VPS50: variants seen among roughly 807,000 people sequenced by gnomAD.
The protein encoded by VPS50 is syndetin.
In VPS50, 70 loss-of-function variants were observed where a neutral mutation model predicts 139.7. That is an observed-to-expected ratio of 0.50 (90% CI 0.41 to 0.61). The LOEUF is 0.61. VPS50 is among the 20% of genes least tolerant of loss of function. The pLI is 0.00. For missense variants in VPS50, 921 were observed against 1,133.7 expected, an observed-to-expected ratio of 0.81 and a Z score of 2.69; for synonymous variants, 365 against 376.7, an observed-to-expected ratio of 0.97 and a Z score of 0.36.
intron 2 of VPS50, among the ~76,000 whole-genome samples, chr7:93,244,154 T>C (rs1435482833): frequency 6.6e-6 from 1 of 151,888 alleles, no homozygotes; most frequent in Non-Finnish European, 1.5e-5. Context: ...TATAATTGTT[T>C]AAGGATAAGA....
At chr7:93,347,833 G>T (rs1237741181) in intron 23 of VPS50, among the ~76,000 whole-genome samples, 4 of 114,714 alleles carry the variant, frequency 3.5e-5, no homozygotes, top group African/African-American at 1.3e-4. Flanking sequence ...TTGTGGGGTG[G>T]GGGGAGGGGG....
Position 93,358,361 on chromosome 7 carries a change from G to A in VPS50, c.2820G>A (p.Leu940=), listed in dbSNP as rs370500282. The change falls in exon 28 of 28, where the codon CTG becomes CTA. Residue 940 remains leucine, a synonymous_variant. Coordinates refer to ENST00000305866, the MANE Select transcript of VPS50 (RefSeq NM_017667.4). ...TGACCAATCTGGTGAATGTTTGCCTGGGATCCCATATCAATAAGAAAGCAA... is the reference window on the plus strand; with the variant it reads ...TGACCAATCTGGTGAATGTTTGCCTAGGATCCCATATCAATAAGAAAGCAA... The part of the protein sequence containing the change: ...KQLTNLVNVC[L]GSHINKKARQ... 1.3e-4 allele frequency: 205 copies of A among 1,612,256 alleles called. No individual in the cohort carries two copies. In the Admixed American group the frequency reaches 3.2e-3, roughly 25 times the overall value.
At position 93,256,581 on chromosome 7, in the gene VPS50, T is replaced by C. The variant is rs768201043; in HGVS notation, c.351+19T>C. The C allele has an allele frequency of 5.3e-6, 7 of 1,323,810 alleles. No individual in the cohort carries two copies. In the African/African-American group the frequency reaches 6.1e-5, roughly 12 times the overall value. The allele number at this position is 1,323,810 out of a possible 1,614,324, so 82.0% of individuals were successfully genotyped here. On this transcript the variant is annotated intron_variant, in intron 5 of 27. Coordinates refer to ENST00000305866, the MANE Select transcript of VPS50 (RefSeq NM_017667.4). ...TGTAAAGGTAGGATAATATTTGTTA[T>C]TTTTTGTAGTAGAATTTTTAAATGT...
intron 25 of VPS50, among the ~76,000 whole-genome samples, chr7:93,352,393 G>T (rs1027153028): frequency 1.3e-5 from 2 of 152,088 alleles, no homozygotes; most frequent in African/African-American, 2.4e-5. Flanking sequence ...TAAAAGCAAC[G>T]AATTGTTAAA....
chr7:93,254,058 A>G (rs1203128057), intron 4 of VPS50, 127 bp downstream of exon 4: 1 of 497,260 alleles, frequency 2.0e-6, no homozygotes, highest in Non-Finnish European at 3.6e-6. Flanking sequence ...GTTATTTAAC[A>G]TGACTGATTC....
chr7:93,271,012 C>T (rs191093022), intron 9 of VPS50: 12 of 624,282 alleles, frequency 1.9e-5, no homozygotes, highest in African/African-American at 7.7e-5. Context: ...TTTCTACTCA[C>T]GCAATCCTGT....
intron 21 of VPS50, among the ~76,000 whole-genome samples, chr7:93,333,434 T>C (rs1033196528): frequency 3.9e-5 from 6 of 152,190 alleles, no homozygotes; most frequent in African/African-American, 1.4e-4. Flanking sequence ...ACAGAGAACA[T>C]TGTAACATTT....
At chr7:93,330,589 A>G (rs1562890605) in intron 21 of VPS50, among the ~76,000 whole-genome samples, 1 of 151,986 alleles carries the variant, frequency 6.6e-6, no homozygotes, top group Admixed American at 6.6e-5. Flanking sequence ...CCCAGTCCCT[A>G]CTAAAAATAC....
chr7:93,348,676 A>G (rs1798471779), intron 23 of VPS50, 35 bp from the exon 24 acceptor site: 2 of 1,337,088 alleles, frequency 1.5e-6, no homozygotes, highest in South Asian at 2.4e-5. Flanking sequence ...ATCCTACACA[A>G]TTTGTTTACA....
At chr7:93,283,231 CTTT>C (rs775610044) in intron 12 of VPS50, among the ~76,000 whole-genome samples, 1 of 140,592 alleles carries the variant, frequency 7.1e-6, no homozygotes. Context: ...TTTTTCTTTT[CTTT>C]TTTTTTTTTT....
At chr7:93,276,811 G>C (rs1240720977) in intron 12 of VPS50, among the ~76,000 whole-genome samples, 3 of 152,176 alleles carry the variant, frequency 2.0e-5, no homozygotes, top group Non-Finnish European at 4.4e-5. Context: ...CTGCTGAGGA[G>C]TTGATGTAGA....
At chr7:93,257,490 CT>C in intron 6 of VPS50, 26 bp downstream of exon 6, 1 of 1,342,820 alleles carries the variant, frequency 7.4e-7, no homozygotes, top group Non-Finnish European at 1.1e-6. Flanking sequence ...ATATTTTGTT[CT>C]TTAAGCTGAA....
intron 9 of VPS50, among the ~76,000 whole-genome samples, chr7:93,262,138 A>T (rs1380775349): frequency 3.3e-5 from 5 of 152,344 alleles, no homozygotes; most frequent in Non-Finnish European, 7.3e-5. Context: ...ATTATAGCAG[A>T]GATTGACTTT....
At chr7:93,271,370 A>C (rs773995065) in intron 10 of VPS50, 108 bp downstream of exon 10, 1 of 1,339,216 alleles carries the variant, frequency 7.5e-7, no homozygotes, top group East Asian at 2.8e-5. Flanking sequence ...CAATGTCTCT[A>C]GATCACTGTA....
intron 23 of VPS50, among the ~76,000 whole-genome samples, chr7:93,342,126 T>C (rs1377495398): frequency 6.6e-6 from 1 of 152,156 alleles, no homozygotes; most frequent in African/African-American, 2.4e-5. Context: ...GCGCGCACTG[T>C]GCATGAGCCG....
At chr7:93,342,876 T>A (rs1203016382) in intron 23 of VPS50, among the ~76,000 whole-genome samples, 1 of 151,662 alleles carries the variant, frequency 6.6e-6, no homozygotes, top group Non-Finnish European at 1.5e-5. Context: ...ACCACAAAGA[T>A]GGGGAAAAAA....
chr7:93,342,174 G>C (rs955210312), intron 23 of VPS50, among the ~76,000 whole-genome samples: 3 of 152,214 alleles, frequency 2.0e-5, no homozygotes, highest in African/African-American at 7.2e-5. Flanking sequence ...GGAAGCACAA[G>C]GGGTCAGGGA....
At chr7:93,286,147 G>A (rs2116923148) in intron 12 of VPS50, among the ~76,000 whole-genome samples, 1 of 152,146 alleles carries the variant, frequency 6.6e-6, no homozygotes, top group African/African-American at 2.4e-5. Flanking sequence ...AATAGTTTTA[G>A]AACACAGGGA....
chr7:93,299,515 T>C (rs886234240), intron 16 of VPS50, among the ~76,000 whole-genome samples: 5 of 152,208 alleles, frequency 3.3e-5, no homozygotes, highest in African/African-American at 9.6e-5. Context: ...CTGCCAAATA[T>C]AGCTCTTGAG....
Sources: gnomAD v4.1 joint callset for allele counts (sites outside exome capture counted in the v4.1 genomes callset) on GRCh38, gnomAD v4.1.1 for gene constraint, MANE v1.5 for transcripts, NCBI Gene and HGNC (gene_info 2026-07-23, HGNC 2026-07-21) for gene names.